SLC24A4: variants seen among roughly 807,000 people sequenced by gnomAD.
SLC24A4 encodes the protein solute carrier family 24 member 4, also known as sodium/potassium/calcium exchanger 4.
A neutral mutation model predicts 79.0 loss-of-function variants in SLC24A4; 53 were observed. The ratio of observed to expected loss-of-function variants is 0.67; its 90% confidence interval spans 0.54 to 0.84. The LOEUF is 0.84. Among genes scored for constraint, SLC24A4 ranks in the 40% least tolerant of loss-of-function variants. The pLI is 0.00. For synonymous variants in SLC24A4, 323 were observed against 323.8 expected (o/e 1.00, Z 0.03); for missense variants, 731 against 822.0 (o/e 0.89, Z 1.35).
In SLC24A4 at chr14:92,449,322, A is replaced by C. The variant is rs181502870; in HGVS notation, c.880+106A>C. The stretch of plus-strand genomic sequence containing the variant: ...CACACACACACACACACACACACAC[A>C]CCCTCTCACAATGTCCCCCCTCTAA... On this transcript the variant is annotated intron_variant, in intron 10 of 16. Coordinates refer to ENST00000532405, the MANE Select transcript of SLC24A4 (RefSeq NM_153646.4). 6.9e-3 allele frequency: 7,095 copies of C among 1,030,766 alleles called. 36 individuals carry two copies. The highest frequency in any genetic ancestry group is 8.7e-3 in the Non-Finnish European group (6,490 of 749,452). 63.9% of individuals were successfully genotyped at this position (1,030,766 alleles called of 1,614,324 possible).
At chr14:92,406,002 T>C (rs531255385) in intron 2 of SLC24A4, among the ~76,000 whole-genome samples, 2 of 152,344 alleles carry the variant, frequency 1.3e-5, no homozygotes, top group South Asian at 4.1e-4. Context: ...CCTATGAGCC[T>C]GTAAAATAAA....
At chr14:92,340,586 C>A (rs1382850141) in intron 2 of SLC24A4, among the ~76,000 whole-genome samples, 4 of 149,906 alleles carry the variant, frequency 2.7e-5, no homozygotes, top group African/African-American at 9.8e-5. Flanking sequence ...GCCAAACCTG[C>A]AGGGGGCTGG....
intron 12 of SLC24A4, among the ~76,000 whole-genome samples, chr14:92,474,843 G>GTATATATATATATATATATATATA (rs1555374575): frequency 1.3e-4 from 3 of 23,882 alleles, no homozygotes; most frequent in East Asian, 1.4e-3. Flanking sequence ...GTGTGTGTGT[G>GTATATATATATATATATATATATA]TATATATATA....
intron 2 of SLC24A4, among the ~76,000 whole-genome samples, chr14:92,409,667 CTG>C (rs1327941358): frequency 6.6e-6 from 1 of 152,200 alleles, no homozygotes; most frequent in Non-Finnish European, 1.5e-5. Flanking sequence ...ACTCTCCTGA[CTG>C]GTGACAACAC....
intron 2 of SLC24A4, among the ~76,000 whole-genome samples, chr14:92,342,011 A>G (rs1334608692): frequency 6.6e-6 from 1 of 152,176 alleles, no homozygotes; most frequent in East Asian, 1.9e-4. Context: ...TGGGTGACCC[A>G]TATGTGTAGG....
intron 2 of SLC24A4, among the ~76,000 whole-genome samples, chr14:92,382,978 C>A (rs957800586): frequency 6.6e-6 from 1 of 152,214 alleles, no homozygotes; most frequent in African/African-American, 2.4e-5. Flanking sequence ...AGCAGTGAGG[C>A]TGTTGGCTAG....
At chr14:92,374,215 C>T (rs1489630587) in intron 2 of SLC24A4, among the ~76,000 whole-genome samples, 2 of 152,184 alleles carry the variant, frequency 1.3e-5, no homozygotes, top group Non-Finnish European at 2.9e-5. Context: ...ATTTTTGTGA[C>T]TGTTACCTCA....
intron 2 of SLC24A4, among the ~76,000 whole-genome samples, chr14:92,386,709 G>A (rs1418300477): frequency 6.6e-6 from 1 of 152,180 alleles, no homozygotes; most frequent in Non-Finnish European, 1.5e-5. Context: ...CTGCTAAAGG[G>A]GTTTGTTTGA....
intron 16 of SLC24A4, 106 bp downstream of exon 16, chr14:92,492,346 A>G: frequency 9.0e-7 from 1 of 1,105,816 alleles, no homozygotes; most frequent in East Asian, 2.4e-5. Context: ...TTCCCTTGGT[A>G]GTGAAGGATA....
intron 3 of SLC24A4, among the ~76,000 whole-genome samples, chr14:92,436,060 TTTG>T (rs2139795707): frequency 6.6e-6 from 1 of 152,314 alleles, no homozygotes; most frequent in African/African-American, 2.4e-5. Context: ...TGTTTGTTTG[TTTG>T]TTTTTTTAAA....
intron 13 of SLC24A4, among the ~76,000 whole-genome samples, 176 bp from the exon 14 acceptor site, chr14:92,486,490 G>A (rs753153631): frequency 6.6e-5 from 10 of 152,278 alleles, no homozygotes; most frequent in Non-Finnish European, 1.5e-4. Context: ...TGGCTTCTTA[G>A]CCTCGTAGTT....
intron 2 of SLC24A4, among the ~76,000 whole-genome samples, chr14:92,366,652 A>G (rs1190683836): frequency 2.6e-5 from 4 of 152,204 alleles, no homozygotes; most frequent in East Asian, 1.9e-4. Context: ...AAATAAAACA[A>G]TGGGGCCAGA....
intron 12 of SLC24A4, among the ~76,000 whole-genome samples, chr14:92,480,823 G>A (rs1212379847): frequency 6.6e-6 from 1 of 152,044 alleles, no homozygotes; most frequent in African/African-American, 2.4e-5. Flanking sequence ...CTGTTCCATT[G>A]TGGTTGGAGA....
intron 12 of SLC24A4, among the ~76,000 whole-genome samples, chr14:92,468,074 G>A (rs1283663175): frequency 1.3e-5 from 2 of 152,078 alleles, no homozygotes; most frequent in African/African-American, 4.8e-5. Context: ...TAATAAACAT[G>A]CAGCATACAA....
intron 2 of SLC24A4, among the ~76,000 whole-genome samples, chr14:92,350,322 A>G (rs1886798000): frequency 6.6e-6 from 1 of 152,192 alleles, no homozygotes; most frequent in African/African-American, 2.4e-5. Context: ...CCTCAGTAAG[A>G]TAGATGATAA....
rs752254336 is a variant in SLC24A4, at chr14:92,443,467, T to A, written c.650T>A (p.Leu217His). 1 of 1,614,192 alleles carries A rather than the reference T, an allele frequency of 6.2e-7. No homozygotes were observed. The highest frequency in any genetic ancestry group is 1.1e-5 in the South Asian group (1 of 91,084). ...SVYYTISVIV[L>H]IVFIYDEQIV... ...TACTACACCATCTCTGTCATCGTGC[T>A]CATCGTGGTGAGTTGCCCCTCTGCC... The change falls in exon 7 of 17, where the codon CTC (leucine) becomes CAC (histidine). Residue 217 changes from leucine to histidine, a missense_variant. Physicochemically the swap from Leu to His is moderately conservative, Grantham distance 99. Coordinates refer to ENST00000532405, the MANE Select transcript of SLC24A4 (RefSeq NM_153646.4).
chr14:92,452,227 C>T (rs1010057780), intron 10 of SLC24A4: 3 of 152,208 alleles, frequency 2.0e-5, no homozygotes, highest in Non-Finnish European at 4.4e-5. Context: ...CCTTCTGAGC[C>T]CAGTTGTTCC....
intron 2 of SLC24A4, among the ~76,000 whole-genome samples, chr14:92,351,887 A>G (rs1481900120): frequency 6.8e-6 from 1 of 146,886 alleles, no homozygotes; most frequent in Non-Finnish European, 1.5e-5. Context: ...AAAGGAAAGA[A>G]GGAAGGAAGG....
At chr14:92,391,120 T>A (rs1001262290) in intron 2 of SLC24A4, among the ~76,000 whole-genome samples, 1 of 152,110 alleles carries the variant, frequency 6.6e-6, no homozygotes, top group Non-Finnish European at 1.5e-5. Context: ...CCCACCTACA[T>A]GCAAGGGGGC....
Sources: allele counts gnomAD v4.1 joint callset (sites outside exome capture counted in the v4.1 genomes callset), GRCh38; gene constraint gnomAD v4.1.1; transcripts MANE v1.5; gene names NCBI Gene and HGNC (gene_info 2026-07-23, HGNC 2026-07-21).